Variants in MICU3 observed in about 807,000 individuals in gnomAD.
The protein encoded by MICU3 is mitochondrial calcium uptake 3.
A neutral mutation model predicts 66.5 loss-of-function variants in MICU3; 62 were observed. The ratio of observed to expected loss-of-function variants is 0.93; its 90% CI spans 0.76 to 1.15. The LOEUF is 1.15. Among genes scored for constraint, MICU3 ranks in the 50% most tolerant of loss-of-function variants. The pLI, the probability that MICU3 is intolerant of heterozygous loss-of-function variation, is 0.00. For synonymous variants in MICU3, 308 were observed against 240.7 expected (o/e 1.28, Z -2.59); for missense variants, 779 against 664.4 (o/e 1.17, Z -1.90).
the MICU3 span, among the ~76,000 whole-genome samples, chr8:17,133,648 A>G: frequency 6.6e-6 from 1 of 152,148 alleles, no homozygotes; most frequent in Non-Finnish European, 1.5e-5. Flanking sequence ...CATATAACTA[A>G]AAAAATCCAC....
At chr8:17,047,627 G>T (rs916321228) in intron 1 of MICU3, among the ~76,000 whole-genome samples, 1 of 152,174 alleles carries the variant, frequency 6.6e-6, no homozygotes, top group African/African-American at 2.4e-5. Flanking sequence ...GATTATAGAC[G>T]AATCCATCGC....
At chr8:17,028,216 A>ATTGTT (rs1811372650) in intron 1 of MICU3, among the ~76,000 whole-genome samples, 1 of 152,202 alleles carries the variant, frequency 6.6e-6, no homozygotes, top group Non-Finnish European at 1.5e-5. Flanking sequence ...GAAATAAAAA[A>ATTGTT]TTGTTCAAAA....
intron 13 of MICU3, among the ~76,000 whole-genome samples, chr8:17,117,781 T>C (rs1673082614): frequency 6.6e-6 from 1 of 152,124 alleles, no homozygotes; most frequent in South Asian, 2.1e-4. Context: ...GGTAATTTTT[T>C]GTATTTTTAG....
chr8:17,087,103 A>G (rs1799557307), intron 7 of MICU3, 68 bp downstream of exon 7: 1 of 1,047,158 alleles, frequency 9.5e-7, no homozygotes, highest in Non-Finnish European at 1.4e-6. Context: ...ATGTTAAGAA[A>G]CAATAATTAA....
intron 8 of MICU3, among the ~76,000 whole-genome samples, chr8:17,091,597 T>A (rs1270281943): frequency 6.6e-6 from 1 of 151,986 alleles, no homozygotes; most frequent in African/African-American, 2.4e-5. Flanking sequence ...ACCTAAGATA[T>A]TTTTCCTCAT....
At chr8:17,110,784 C>G (rs899354132) in intron 11 of MICU3, among the ~76,000 whole-genome samples, 12 of 151,492 alleles carry the variant, frequency 7.9e-5, no homozygotes, top group Admixed American at 7.2e-4. Flanking sequence ...GTTTTTTTGC[C>G]TAGACTTGTC....
chr8:17,133,030 C>G, the MICU3 span: 2 of 152,230 alleles, frequency 1.3e-5, no homozygotes, highest in Non-Finnish European at 2.9e-5. Context: ...TCGCCAGGCA[C>G]TGAATCTGCT....
At chr8:17,082,032 T>C (rs1407784599) in intron 5 of MICU3, 1 of 239,518 alleles carries the variant, frequency 4.2e-6, no homozygotes, top group Non-Finnish European at 8.0e-6. Flanking sequence ...CATGTAATAA[T>C]TTATAAATTC....
chr8:17,030,959 C>T (rs567616212), intron 1 of MICU3, among the ~76,000 whole-genome samples: 47 of 152,248 alleles, frequency 3.1e-4, no homozygotes, highest in Admixed American at 4.6e-4. Context: ...TTTTCTCTAT[C>T]TTAGCTCTTT....
intron 7 of MICU3, among the ~76,000 whole-genome samples, chr8:17,087,610 TAACA>T (rs1799607999): frequency 1.3e-5 from 2 of 152,028 alleles, no homozygotes; most frequent in African/African-American, 4.8e-5. Flanking sequence ...ATAATAAAAA[TAACA>T]AACAGGTACT....
At chr8:17,100,492 C>G (rs1323076321) in intron 9 of MICU3, among the ~76,000 whole-genome samples, 1 of 151,460 alleles carries the variant, frequency 6.6e-6, no homozygotes, top group African/African-American at 2.4e-5. Context: ...TATATAAATC[C>G]TTATAGGTTA....
intron 9 of MICU3, among the ~76,000 whole-genome samples, chr8:17,101,524 A>T (rs1360542412): frequency 6.6e-6 from 1 of 151,870 alleles, no homozygotes; most frequent in East Asian, 1.9e-4. Flanking sequence ...TAAGATTTTG[A>T]TGCTGAAAGA....
intron 4 of MICU3, among the ~76,000 whole-genome samples, chr8:17,080,056 A>T (rs936491670): frequency 2.6e-5 from 4 of 151,788 alleles, no homozygotes; most frequent in Admixed American, 2.6e-4. Flanking sequence ...GTTTCTAAAG[A>T]TCACACCATT....
chr8:17,045,189 A>T (rs1226263405), intron 1 of MICU3, among the ~76,000 whole-genome samples: 1 of 152,208 alleles, frequency 6.6e-6, no homozygotes, highest in Non-Finnish European at 1.5e-5. Flanking sequence ...GTTATGAGGT[A>T]GATAGATAAC....
At chr8:17,083,872 C>T (rs1240921633) in intron 5 of MICU3, among the ~76,000 whole-genome samples, 1 of 152,002 alleles carries the variant, frequency 6.6e-6, no homozygotes, top group East Asian at 1.9e-4. Context: ...GTACCTAAAC[C>T]AGCAGAGTGA....
At chr8:17,082,835 A>T (rs567263933) in intron 5 of MICU3, among the ~76,000 whole-genome samples, 1 of 152,320 alleles carries the variant, frequency 6.6e-6, no homozygotes, top group South Asian at 2.1e-4. Flanking sequence ...AATGACGTTA[A>T]CATTGAGTTC....
At chr8:17,050,880 T>C (rs573202325) in intron 1 of MICU3, among the ~76,000 whole-genome samples, 2 of 152,258 alleles carry the variant, frequency 1.3e-5, no homozygotes, top group Admixed American at 1.3e-4. Context: ...CTATCCTATT[T>C]ATTGTGATTG....
chr8:17,136,420 G>A, the MICU3 span, among the ~76,000 whole-genome samples: 1 of 152,014 alleles, frequency 6.6e-6, no homozygotes, highest in African/African-American at 2.4e-5. Context: ...TGTGACCACC[G>A]CAGTTGCACA....
chr8:17,099,552 T>C (rs567701703), intron 9 of MICU3, among the ~76,000 whole-genome samples: 39 of 151,924 alleles, frequency 2.6e-4, no homozygotes, highest in African/African-American at 8.0e-4. Context: ...TTAAAGTATT[T>C]TGTCCTATGT....
Sources: gnomAD v4.1 joint callset for allele counts (sites outside exome capture counted in the v4.1 genomes callset) on GRCh38, gnomAD v4.1.1 for gene constraint, MANE v1.5 for transcripts, NCBI Gene and HGNC (gene_info 2026-07-23, HGNC 2026-07-21) for gene names.